Variants in TRIM72 observed in about 807,000 individuals in gnomAD.
TRIM72 encodes the protein tripartite motif-containing protein 72.
A neutral mutation model predicts 31.6 loss-of-function variants in TRIM72; 33 were observed. The observed-to-expected ratio is 1.04, with a 90% confidence interval of 0.79 to 1.40. TRIM72 has a LOEUF of 1.40. TRIM72 is among the 40% of genes most tolerant of loss of function. The pLI, the probability that TRIM72 is intolerant of heterozygous loss-of-function variation, is 0.00. For synonymous variants in TRIM72, 301 were observed against 314.4 expected (o/e 0.96, Z 0.45); for missense variants, 666 against 682.7 (o/e 0.98, Z 0.27).
rs2079500658 is a variant in TRIM72 at position 31,215,028 on chromosome 16, G to A, written c.290G>A (p.Cys97Tyr). 2 of 1,509,156 alleles carry A rather than the reference G, an allele frequency of 1.3e-6. No homozygotes were observed. The highest frequency in any genetic ancestry group is 1.8e-6 in the Non-Finnish European group (2 of 1,137,302). The allele number at this position is 1,509,156 out of a possible 1,614,324, so 93.5% of individuals were successfully genotyped here. The change falls in exon 2 of 7, where the codon TGC (cysteine) becomes TAC (tyrosine). Residue 97 changes from cysteine to tyrosine, a missense_variant. By Grantham distance (194) the Cys-to-Tyr change is radical. Transcript: ENST00000322122. This position sits in a 1 kb window ranked among gnomAD's most constrained non-coding sequence, Gnocchi z 6.3. ...CACCTGGACCCGCTGAGCATCTACT[G>A]CGAGCAGGACCGCGCGCTGGTGTGC... ...EEHLDPLSIY[C>Y]EQDRALVCGV...
In TRIM72 at chr16:31,228,199, C is replaced by G. The variant is rs1205220220; in HGVS notation, c.*3444C>G. 1 of 152,194 alleles carries G rather than the reference C, an allele frequency of 6.6e-6. No individual in the cohort carries two copies. Among genetic ancestry groups the G allele is most frequent in the Non-Finnish European group, 1.5e-5 (1 of 68,076 alleles). 9.4% of individuals were successfully genotyped at this position (152,194 alleles called of 1,614,324 possible). On this transcript the variant is annotated 3_prime_UTR_variant, in exon 7 of 7. Transcript: ENST00000322122. ...CTCCTGACCTCAGGGGATCCCCCAA[C>G]TCGGCCTCCCAAAGTACTAGGATTA...
rs1436851509 is a variant in TRIM72, at chr16:31,226,444, A to G, written c.*1689A>G. On this transcript the variant is annotated 3_prime_UTR_variant, in exon 7 of 7. Coordinates refer to ENST00000322122, the MANE Select transcript of TRIM72 (RefSeq NM_001008274.4). ...CCCTGTTGCAACAAAAACCAGAAAA[A>G]CAACAAAAAGAAGACATTGGAAAAT... The G allele has an allele frequency of 6.6e-6, 1 of 152,144 alleles. No homozygotes were observed. Among genetic ancestry groups the G allele is most frequent in the Non-Finnish European group, 1.5e-5 (1 of 68,026 alleles). The allele number at this position is 152,144 out of a possible 1,614,324, so 9.4% of individuals were successfully genotyped here.
At position 31,214,910 on chromosome 16, in the gene TRIM72, G is replaced by A. The variant is rs776690440; in HGVS notation, c.172G>A (p.Ala58Thr). The change falls in exon 2 of 7, where the codon GCC (alanine) becomes ACC (threonine). Residue 58 changes from alanine to threonine, a missense_variant. Transcript: ENST00000322122. ...DGTVLCPCCQ[A>T]PTRPQALSTN... ...CACCGTTCTCTGCCCCTGCTGCCAG[G>A]CCCCCACGCGGCCGCAGGCACTCAG... 2 of 1,515,074 alleles carry A rather than the reference G, an allele frequency of 1.3e-6. No individual in the cohort carries two copies. The highest frequency in any genetic ancestry group is 1.8e-6 in the Non-Finnish European group (2 of 1,139,134). 93.9% of individuals were successfully genotyped at this position (1,515,074 alleles called of 1,614,324 possible). A position where few individuals can be genotyped will look rare whatever the true frequency, so the allele number is the denominator to read the frequency against.
chr16:31,221,167 C>T (rs979669902), intron 5 of TRIM72, among the ~76,000 whole-genome samples: 1 of 152,082 alleles, frequency 6.6e-6, no homozygotes. Flanking sequence ...TCAGTGTGGC[C>T]GTTGAGGGAA....
intron 5 of TRIM72, among the ~76,000 whole-genome samples, chr16:31,221,555 G>GC: frequency 7.0e-6 from 1 of 143,728 alleles, no homozygotes; most frequent in South Asian, 2.3e-4. Context: ...GAAGGGCATT[G>GC]TGGGGAGAAG....
intron 4 of TRIM72, among the ~76,000 whole-genome samples, chr16:31,220,690 C>G (rs756767340): frequency 6.6e-6 from 1 of 151,626 alleles, no homozygotes; most frequent in African/African-American, 2.4e-5. Context: ...AGGCTGGTCT[C>G]GAACTCCTGG....
At position 31,215,821 on chromosome 16, in the gene TRIM72, T is replaced by C. The variant is rs1158743580; in HGVS notation, c.390+693T>C. ...GAAAGCCTTGGGAGCCCACACGCAGTTGTGCGCGTCCCGAAGTACCCAGCA... is the reference window on the plus strand; with the variant it reads ...GAAAGCCTTGGGAGCCCACACGCAGCTGTGCGCGTCCCGAAGTACCCAGCA... On this transcript the variant is annotated intron_variant, in intron 2 of 6. Coordinates refer to ENST00000322122, the MANE Select transcript of TRIM72 (RefSeq NM_001008274.4). This position sits in a 1 kb window ranked among gnomAD's most constrained non-coding sequence, Gnocchi z 6.3. 1 of 152,026 alleles carries C rather than the reference T, an allele frequency of 6.6e-6. No homozygotes were observed. Among genetic ancestry groups the C allele is most frequent in the Non-Finnish European group, 1.5e-5 (1 of 68,030 alleles). 9.4% of individuals were successfully genotyped at this position (152,026 alleles called of 1,614,324 possible). A position where few individuals can be genotyped will look rare whatever the true frequency, so the allele number is the denominator to read the frequency against.
At position 31,216,423 on chromosome 16, in the gene TRIM72, A is replaced by C; in HGVS notation, c.390+1295A>C. ...CTTTGCAATAAATCTTGCTGCCGCT[A>C]AAAAAAAAACAAAAAACAAACAAAC... is the stretch of plus-strand genomic sequence containing the variant. On this transcript the variant is annotated intron_variant, in intron 2 of 6. Transcript: ENST00000322122. The surrounding 1 kb of genome is among the most constrained non-coding windows in gnomAD (Gnocchi z 6.7). 8.6e-6 allele frequency: 2 copies of C among 233,576 alleles called. No homozygotes were observed. The highest frequency in any genetic ancestry group is 5.8e-5 in the Admixed American group (1 of 17,240). The allele number at this position is 233,576 out of a possible 1,614,324, so 14.5% of individuals were successfully genotyped here. A position where few individuals can be genotyped will look rare whatever the true frequency, so the allele number is the denominator to read the frequency against.
rs1270895077 is a variant in TRIM72, at chr16:31,219,560, CT to C, written c.717+42del. The C allele has an allele frequency of 1.3e-6, 2 of 1,546,046 alleles. No individual in the cohort carries two copies. Among genetic ancestry groups the C allele is most frequent in the African/African-American group, 2.7e-5 (2 of 73,088 alleles). The stretch of plus-strand genomic sequence containing the variant: ...CCCCCCTCCCTGCCTCAGCCCCCTG[CT>C]CAGGGCCCAGAGACCTCATCCCATT... On this transcript the variant is annotated intron_variant, in intron 4 of 6. Coordinates refer to ENST00000322122, the MANE Select transcript of TRIM72 (RefSeq NM_001008274.4). This position sits in a 1 kb window ranked among gnomAD's most constrained non-coding sequence, Gnocchi z 4.2.
chr16:31,215,466 G>A lies in TRIM72; in HGVS notation c.390+338G>A, dbSNP rs1213685701. Reference sequence around the variant, plus strand: ...GGCGGAGCCAGGCGGAGCAGGGACTGACCAGCCCCTGCGGCCCACGCTCGC... The same window carrying A: ...GGCGGAGCCAGGCGGAGCAGGGACTAACCAGCCCCTGCGGCCCACGCTCGC... On this transcript the variant is annotated intron_variant, in intron 2 of 6. Transcript: ENST00000322122. The surrounding 1 kb of genome is among the most constrained non-coding windows in gnomAD (Gnocchi z 6.3). Among the ~76,000 whole-genome samples, 2 of 152,186 alleles carry A rather than the reference G, an allele frequency of 1.3e-5. No individual in the cohort carries two copies. The highest frequency in any genetic ancestry group is 6.5e-5 in the Admixed American group (1 of 15,280).
chr16:31,214,889 G>A lies in TRIM72; in HGVS notation c.151G>A (p.Val51Ile). The change falls in exon 2 of 7, where the codon GTT becomes ATT. Residue 51 changes from valine (V) to isoleucine (I), a missense_variant. Transcript: ENST00000322122. ...CGGGGAGCCGGCGGCGGATGGCACC[G>A]TTCTCTGCCCCTGCTGCCAGGCCCC... is the stretch of plus-strand genomic sequence containing the variant. ...VAGEPAADGT[V>I]LCPCCQAPTR... 2 of 1,525,612 alleles carry A rather than the reference G, an allele frequency of 1.3e-6. No individual in the cohort carries two copies. Among genetic ancestry groups the A allele is most frequent in the Non-Finnish European group, 1.7e-6 (2 of 1,144,056 alleles). The allele number at this position is 1,525,612 out of a possible 1,614,324, so 94.5% of individuals were successfully genotyped here.
rs1368232827 is a variant in TRIM72, at chr16:31,220,919, G to A, written c.740+1G>A. 4 of 1,614,130 alleles carry A rather than the reference G, an allele frequency of 2.5e-6. No individual in the cohort carries two copies. The highest frequency in any genetic ancestry group is 3.3e-5 in the Admixed American group (2 of 60,000). ...AGAAATACTGCCTGGTGACCAGCAGGTGAGAGCAACCTGGCCCTGTCCCTT... is the reference window on the plus strand; with the variant it reads ...AGAAATACTGCCTGGTGACCAGCAGATGAGAGCAACCTGGCCCTGTCCCTT... On this transcript the variant is annotated splice_donor_variant, in intron 5 of 6. Coordinates refer to ENST00000322122, the MANE Select transcript of TRIM72 (RefSeq NM_001008274.4). LOFTEE classifies it high-confidence loss of function.
rs2079525702 is a variant in TRIM72 at position 31,219,813 on chromosome 16, A to G, written c.717+294A>G. 6.6e-6 allele frequency among the ~76,000 whole-genome samples: 1 copy of G among 152,060 alleles called. No individual in the cohort carries two copies. Among genetic ancestry groups the G allele is most frequent in the Non-Finnish European group, 1.5e-5 (1 of 67,988 alleles). Reference sequence around the variant, plus strand: ...AGTCTTACTCTGTCACCCAGGCTGGAGTGCAGTGGCAGGATCTTGGCTCAC... The same window carrying G: ...AGTCTTACTCTGTCACCCAGGCTGGGGTGCAGTGGCAGGATCTTGGCTCAC... On this transcript the variant is annotated intron_variant, in intron 4 of 6. Transcript: ENST00000322122. The surrounding 1 kb of genome is among the most constrained non-coding windows in gnomAD (Gnocchi z 4.2).
At chr16:31,220,456 GTT>G (rs71151452) in intron 4 of TRIM72, among the ~76,000 whole-genome samples, 77 of 29,552 alleles carry the variant, frequency 2.6e-3, no homozygotes, top group African/African-American at 5.2e-3. Flanking sequence ...TCTCTTTTGC[GTT>G]TTTTTTTTTT....
chr16:31,217,299 T>C lies in TRIM72; in HGVS notation c.391-1796T>C, dbSNP rs1019296200. ...AGAGGAGGAAACAGGTTGCAAGTCA[T>C]TGAGGCAGGAATGGAACTGATTCCA... On this transcript the variant is annotated intron_variant, in intron 2 of 6. Coordinates refer to ENST00000322122, the MANE Select transcript of TRIM72 (RefSeq NM_001008274.4). 3.1e-5 allele frequency: 15 copies of C among 487,558 alleles called. No homozygotes were observed. The East Asian group carries it at 4.4e-4, about 14-fold the overall frequency. 30.2% of individuals were successfully genotyped at this position (487,558 alleles called of 1,614,324 possible).
Position 31,224,656 on chromosome 16 carries a change from G to A in TRIM72, c.1335G>A (p.Leu445=). ...LVPLFAFHER[L]PRPVYPFFDV... ...CGCTTTTTGCCTTCCACGAGCGCCT[G>A]CCCAGGCCCGTGTACCCCTTCTTCG... The change falls in exon 7 of 7, where the codon CTG becomes CTA. Residue 445 remains leucine (L), a synonymous_variant. Coordinates refer to ENST00000322122, the MANE Select transcript of TRIM72 (RefSeq NM_001008274.4). 6.5e-7 allele frequency: 1 copy of A among 1,547,988 alleles called. No homozygotes were observed. The highest frequency in any genetic ancestry group is 2.4e-5 in the East Asian group (1 of 41,468).
chr16:31,224,092 A>C (rs2079544736), intron 6 of TRIM72, 89 bp from the exon 7 acceptor site: 1 of 1,432,720 alleles, frequency 7.0e-7, no homozygotes, highest in Non-Finnish European at 9.4e-7. Flanking sequence ...CAAGAGGATT[A>C]GGGGAGAGAA....
intron 5 of TRIM72, among the ~76,000 whole-genome samples, chr16:31,222,482 C>CTTCTT (rs1555512074): frequency 2.5e-4 from 29 of 117,964 alleles, no homozygotes; most frequent in South Asian, 8.4e-4. Context: ...TCTTCTTCTT[C>CTTCTT]TTTTTTTTTT....
chr16:31,229,812 G>A lies in TRIM72; in HGVS notation c.*5057G>A, dbSNP rs1391829963. ...AAGCAAGAACATTTATCGTGGCCAG[G>A]TGCAGTGGCTCACGCCTGTAATCCC... On this transcript the variant is annotated 3_prime_UTR_variant, in exon 7 of 7. Coordinates refer to ENST00000322122, the MANE Select transcript of TRIM72 (RefSeq NM_001008274.4). 1 of 152,362 alleles carries A rather than the reference G, an allele frequency of 6.6e-6. No homozygotes were observed. The highest frequency in any genetic ancestry group is 2.4e-5 in the African/African-American group (1 of 41,470). The allele number at this position is 152,362 out of a possible 1,614,324, so 9.4% of individuals were successfully genotyped here.
Sources: gnomAD v4.1 joint callset for allele counts (sites outside exome capture counted in the v4.1 genomes callset) on GRCh38, gnomAD v4.1.1 for gene constraint, Gnocchi (gnomAD v3.1) non-coding constraint, MANE v1.5 for transcripts, NCBI Gene and HGNC (gene_info 2026-07-23, HGNC 2026-07-21) for gene names.